Variants in PER2 observed in about 807,000 individuals in gnomAD.
PER2 encodes the protein period circadian regulator 2.
In PER2, 66 loss-of-function variants were observed where a neutral mutation model predicts 121.0. That is an observed-to-expected ratio of 0.55 (90% CI 0.45 to 0.67). PER2 has a LOEUF of 0.67. PER2 is among the 30% of genes least tolerant of loss of function. The pLI is 0.00. For missense variants in PER2, 1,521 were observed against 1,635.0 expected (o/e 0.93, Z 1.20); for synonymous variants, 684 against 659.9 (o/e 1.04, Z -0.56).
chr2:238,253,260 G>A lies in PER2; in HGVS notation c.2763C>T (p.Pro921=). 2 of 1,608,710 alleles carry A rather than the reference G, an allele frequency of 1.2e-6. No individual in the cohort carries two copies. Among genetic ancestry groups the A allele is most frequent in the Non-Finnish European group, 1.7e-6 (2 of 1,176,594 alleles). The change falls in exon 19 of 23, where the codon CCC becomes CCT. Residue 921 remains proline (P), a synonymous_variant. Coordinates refer to ENST00000254657, the MANE Select transcript of PER2 (RefSeq NM_022817.3). The surrounding 1 kb of genome is among the most constrained non-coding windows in gnomAD (Gnocchi z 5.6). ...GAGGCTGGCTGGGGAAGAAGGCCTG[G>A]GGCAGGTTTGGGGTCCCCGAGGGGA... is the stretch of plus-strand genomic sequence containing the variant. ...YSFPSGTPNL[P]QAFFPSQPQF...
rs754875441 is a variant in PER2, at chr2:238,252,416, G to A, written c.3111+496C>T. Among the ~76,000 whole-genome samples the A allele has an allele frequency of 4.6e-5, 7 of 152,194 alleles. No homozygotes were observed. Among genetic ancestry groups the A allele is most frequent in the South Asian group, 2.1e-4 (1 of 4,836 alleles). On this transcript the variant is annotated intron_variant, in intron 19 of 22. Coordinates refer to ENST00000254657, the MANE Select transcript of PER2 (RefSeq NM_022817.3). The surrounding 1 kb of genome is among the most constrained non-coding windows in gnomAD (Gnocchi z 4.2). ...GCGTTTAACTGCAAATACAACTACC[G>A]TTTCATTAACTGGTTAAGAATCTCA...
In PER2 at chr2:238,246,291, TG is replaced by T; in HGVS notation, c.*83del. 2 of 1,042,858 alleles carry T rather than the reference TG, an allele frequency of 1.9e-6. No homozygotes were observed. The highest frequency in any genetic ancestry group is 2.7e-6 in the Non-Finnish European group (2 of 727,576). The allele number at this position is 1,042,858 out of a possible 1,614,324, so 64.6% of individuals were successfully genotyped here. A position where few individuals can be genotyped will look rare whatever the true frequency, so the allele number is the denominator to read the frequency against. On this transcript the variant is annotated 3_prime_UTR_variant, in exon 23 of 23. Coordinates refer to ENST00000254657, the MANE Select transcript of PER2 (RefSeq NM_022817.3). ...ACATGAGCATATGTGTCCATTTCAGTGGAAACAGCCATGAAGATCTTTCATC... is the reference window on the plus strand; with the variant it reads ...ACATGAGCATATGTGTCCATTTCAGTGAAACAGCCATGAAGATCTTTCATC...
intron 19 of PER2, among the ~76,000 whole-genome samples, chr2:238,251,972 G>A (rs1051573606): frequency 4.6e-5 from 7 of 152,140 alleles, no homozygotes; most frequent in African/African-American, 1.4e-4. Context: ...TATGGATGCC[G>A]TCTAGTTACA....
rs758232986 is a variant in PER2 at position 238,258,553 on chromosome 2, G to A, written c.1719C>T (p.Cys573=). Residue 573 remains cysteine, a synonymous_variant, in exon 15 of 23, where the codon TGC becomes TGT. Transcript: ENST00000254657. ...GGTAGGAGCAGGTGGGCTGGTTCTT[G>A]CAGGCCAACTCCTCGGGGAAGCTGA... The part of the protein sequence containing the change: ...LGVSFPEELA[C]KNQPTCSYQQ... 2 of 1,614,144 alleles carry A rather than the reference G, an allele frequency of 1.2e-6. No homozygotes were observed. The highest frequency in any genetic ancestry group is 1.7e-6 in the Non-Finnish European group (2 of 1,179,982).
chr2:238,283,662 T>A (rs562343709), intron 1 of PER2, among the ~76,000 whole-genome samples: 3 of 152,270 alleles, frequency 2.0e-5, no homozygotes, highest in Admixed American at 2.0e-4. Context: ...TGTGGAGAGT[T>A]CTGTGCAACA....
chr2:238,278,487 C>G (rs71426512), intron 1 of PER2, among the ~76,000 whole-genome samples: 8 of 152,132 alleles, frequency 5.3e-5, no homozygotes, highest in African/African-American at 1.9e-4. Context: ...GAGGCAGCCT[C>G]AGCCCGACAT....
intron 1 of PER2, among the ~76,000 whole-genome samples, chr2:238,284,402 A>G (rs1327527786): frequency 6.6e-6 from 1 of 150,690 alleles, no homozygotes; most frequent in Non-Finnish European, 1.5e-5. Context: ...AGATTGCACC[A>G]CTGCACTCCA....
At chr2:238,273,549 G>A (rs1696359506) in intron 4 of PER2, among the ~76,000 whole-genome samples, 1 of 151,042 alleles carries the variant, frequency 6.6e-6, no homozygotes, top group African/African-American at 2.4e-5. Flanking sequence ...AGGCTAGAGT[G>A]CAATGGCGCA....
At position 238,249,071 on chromosome 2, in the gene PER2, G is replaced by A. The variant is rs768209947; in HGVS notation, c.3609C>T (p.Ile1203=). The A allele has an allele frequency of 4.3e-6, 7 of 1,614,082 alleles. No individual in the cohort carries two copies. The highest frequency in any genetic ancestry group is 2.2e-5 in the East Asian group (1 of 44,882). The change falls in exon 22 of 23, where the codon ATC becomes ATT. Residue 1203 remains isoleucine (I), a synonymous_variant. Coordinates refer to ENST00000254657, the MANE Select transcript of PER2 (RefSeq NM_022817.3). ...WMQTGGLPAA[I]DVAECVYCEN... ...AGTCCCGTGAGCTTACTGCCACGTC[G>A]ATGGCTGCGGGCAGGCCGCCCGTCT... is the stretch of plus-strand genomic sequence containing the variant.
At chr2:238,273,537 C>T (rs1471443975) in intron 4 of PER2, among the ~76,000 whole-genome samples, 6 of 151,506 alleles carry the variant, frequency 4.0e-5, no homozygotes, top group Admixed American at 2.6e-4. Flanking sequence ...CTTTTGTTAC[C>T]CAGGCTAGAG....
chr2:238,294,989 C>T (rs891758987), upstream of PER2, among the ~76,000 whole-genome samples: 51 of 152,222 alleles, frequency 3.4e-4, no homozygotes, highest in African/African-American at 1.2e-3. Context: ...AGCCCACCAG[C>T]GATGCCAGCT....
chr2:238,261,020 C>A, intron 12 of PER2, 67 bp from the exon 13 acceptor site: 1 of 1,567,822 alleles, frequency 6.4e-7, no homozygotes, highest in Non-Finnish European at 8.7e-7. Flanking sequence ...TGGCCCCCTG[C>A]CAACACACCC....
At chr2:238,249,350 TA>T in intron 21 of PER2, 138 bp from the exon 22 acceptor site, 1 of 782,908 alleles carries the variant, frequency 1.3e-6, no homozygotes, top group South Asian at 1.7e-5. Context: ...TCATTTAAGG[TA>T]ACTTAATCTC....
intron 1 of PER2, among the ~76,000 whole-genome samples, chr2:238,281,932 C>T (rs1696643013): frequency 6.6e-6 from 1 of 152,222 alleles, no homozygotes; most frequent in South Asian, 2.1e-4. Flanking sequence ...GAACCATCAA[C>T]AGGGAGGCTA....
chr2:238,295,903 G>T, the PER2 span: 2 of 220,322 alleles, frequency 9.1e-6, no homozygotes, highest in South Asian at 5.0e-5. Flanking sequence ...ACCCACACCC[G>T]GGGAACTCTT....
chr2:238,248,682 G>A (rs1449819319), intron 22 of PER2, among the ~76,000 whole-genome samples: 1 of 144,634 alleles, frequency 6.9e-6, no homozygotes, highest in African/African-American at 2.6e-5. Flanking sequence ...TTGAGACAGA[G>A]TCTTGCTCTG....
At chr2:238,258,942 T>C (rs990179317) in intron 14 of PER2, among the ~76,000 whole-genome samples, 1 of 152,166 alleles carries the variant, frequency 6.6e-6, no homozygotes, top group African/African-American at 2.4e-5. Context: ...CAGTTCTCAC[T>C]TGAACTCTTA....
intron 17 of PER2, among the ~76,000 whole-genome samples, chr2:238,256,675 C>T (rs772822809): frequency 1.3e-5 from 2 of 152,206 alleles, no homozygotes; most frequent in Non-Finnish European, 2.9e-5. Context: ...AACCCTCCTG[C>T]GTTGATGCCA....
chr2:238,291,766 C>T (rs138179207), upstream of PER2, among the ~76,000 whole-genome samples: 1 of 152,338 alleles, frequency 6.6e-6, no homozygotes, highest in Non-Finnish European at 1.5e-5. Context: ...CCTCAGCCAG[C>T]TCACAGAGGT....
Sources: gnomAD v4.1 joint callset for allele counts (sites outside exome capture counted in the v4.1 genomes callset) on GRCh38, gnomAD v4.1.1 for gene constraint, Gnocchi (gnomAD v3.1) non-coding constraint, MANE v1.5 for transcripts, NCBI Gene and HGNC (gene_info 2026-07-23, HGNC 2026-07-21) for gene names.